CLDN16: variants seen among roughly 807,000 people sequenced by gnomAD.
CLDN16 encodes the protein claudin-16.
Under a neutral mutation model 24.6 loss-of-function variants are expected in CLDN16, and 13 were observed. The observed-to-expected ratio is 0.53, with a 90% confidence interval of 0.34 to 0.84. CLDN16 has a LOEUF of 0.84. Among genes scored for constraint, CLDN16 ranks in the 40% least tolerant of loss-of-function variants. The pLI is 0.01. For synonymous variants in CLDN16, 116 were observed against 106.7 expected (o/e 1.09, Z -0.54); for missense variants, 298 against 292.7 (o/e 1.02, Z -0.13).
chr3:190,308,488 T>A, the CLDN16 span: 2 of 1,564,884 alleles, frequency 1.3e-6, no homozygotes, highest in Non-Finnish European at 1.8e-6. Context: ...TATTGGCAAC[T>A]TTTCTAATAT....
Position 190,411,402 on chromosome 3 carries a change from T to A in CLDN16, c.*1366T>A, listed in dbSNP as rs1294194615. Reference sequence around the variant, plus strand: ...TGTAACCATCTTGAATTTTTTTAATTGTAGCGATTTTAAAAATGTTTGTAA... The same window carrying A: ...TGTAACCATCTTGAATTTTTTTAATAGTAGCGATTTTAAAAATGTTTGTAA... On this transcript the variant is annotated 3_prime_UTR_variant, in exon 5 of 5. Coordinates refer to ENST00000264734, the MANE Select transcript of CLDN16 (RefSeq NM_006580.4). 1 of 152,212 alleles carries A rather than the reference T, an allele frequency of 6.6e-6. No homozygotes were observed. The highest frequency in any genetic ancestry group is 1.9e-4 in the East Asian group (1 of 5,202). 9.4% of individuals were successfully genotyped at this position (152,212 alleles called of 1,614,324 possible). A position where few individuals can be genotyped will look rare whatever the true frequency, so the allele number is the denominator to read the frequency against.
At chr3:190,292,806 C>T in the CLDN16 span, among the ~76,000 whole-genome samples, 1 of 152,146 alleles carries the variant, frequency 6.6e-6, no homozygotes. Context: ...TCCTCATCTC[C>T]ATCTGAGACC....
At chr3:190,335,794 G>C (rs1181171458) in intron 1 of CLDN16, among the ~76,000 whole-genome samples, 1 of 150,478 alleles carries the variant, frequency 6.6e-6, no homozygotes, top group Non-Finnish European at 1.5e-5. Context: ...CTCAGACACT[G>C]ATTCTAGAGA....
chr3:190,366,831 AG>A (rs1016223154), intron 1 of CLDN16, among the ~76,000 whole-genome samples: 28 of 151,920 alleles, frequency 1.8e-4, no homozygotes, highest in African/African-American at 6.8e-4. Context: ...TCAGCATCTA[AG>A]TCTCCCAGCA....
the CLDN16 span, among the ~76,000 whole-genome samples, chr3:190,313,747 G>T: frequency 6.6e-6 from 1 of 152,102 alleles, no homozygotes; most frequent in Non-Finnish European, 1.5e-5. Flanking sequence ...TTGTAAAATA[G>T]CACACACAAT....
At chr3:190,404,713 A>G in intron 2 of CLDN16, 49 bp from the exon 3 acceptor site, 1 of 1,595,456 alleles carries the variant, frequency 6.3e-7, no homozygotes, top group African/African-American at 1.3e-5. Context: ...GTGAGTTAAT[A>G]TGGTTCCTTC....
chr3:190,350,704 A>G (rs1285372194), intron 1 of CLDN16, among the ~76,000 whole-genome samples: 4 of 152,050 alleles, frequency 2.6e-5, no homozygotes, highest in Non-Finnish European at 5.9e-5. Flanking sequence ...GAAACCTATT[A>G]CTGTGTTTGG....
intron 1 of CLDN16, among the ~76,000 whole-genome samples, chr3:190,324,415 G>A (rs956014979): frequency 2.0e-4 from 30 of 152,102 alleles, no homozygotes; most frequent in African/African-American, 6.8e-4. Context: ...CCCGGGAGGC[G>A]GAGGTGGCAG....
At chr3:190,399,365 A>G (rs1415616941) in intron 1 of CLDN16, among the ~76,000 whole-genome samples, 1 of 149,554 alleles carries the variant, frequency 6.7e-6, no homozygotes, top group Non-Finnish European at 1.5e-5. Flanking sequence ...AAAAAAAAGT[A>G]GCCTGGCGTG....
At chr3:190,321,652 C>T (rs1274798922), upstream of CLDN16, among the ~76,000 whole-genome samples, 2 of 152,170 alleles carry the variant, frequency 1.3e-5, no homozygotes, top group Admixed American at 6.5e-5. Flanking sequence ...CCCCAAATCT[C>T]GGAATGCCTA....
chr3:190,412,104 G>A lies in CLDN16; in HGVS notation c.*2068G>A, dbSNP rs1039859745. 5.3e-5 allele frequency: 8 copies of A among 151,964 alleles called. No individual in the cohort carries two copies. The highest frequency in any genetic ancestry group is 1.9e-4 in the African/African-American group (8 of 41,418). The allele number at this position is 151,964 out of a possible 1,614,324, so 9.4% of individuals were successfully genotyped here. On this transcript the variant is annotated 3_prime_UTR_variant, in exon 5 of 5. Coordinates refer to ENST00000264734, the MANE Select transcript of CLDN16 (RefSeq NM_006580.4). The stretch of plus-strand genomic sequence containing the variant: ...GATAATGGATATGTGTGACTGTTTT[G>A]AATTTTTTTCTCAATTAAAACATTT...
At chr3:190,304,194 G>A in the CLDN16 span, among the ~76,000 whole-genome samples, 2 of 152,196 alleles carry the variant, frequency 1.3e-5, no homozygotes, top group African/African-American at 2.4e-5. Context: ...TTATGGCTAA[G>A]AGCCACTGCA....
chr3:190,356,150 A>T (rs1381237731), intron 1 of CLDN16, among the ~76,000 whole-genome samples: 1 of 151,448 alleles, frequency 6.6e-6, no homozygotes, highest in Non-Finnish European at 1.5e-5. Context: ...AGCATATACA[A>T]TTTTTTTTCA....
chr3:190,391,068 T>C (rs977109592), intron 1 of CLDN16, among the ~76,000 whole-genome samples: 1 of 152,056 alleles, frequency 6.6e-6, no homozygotes, highest in Non-Finnish European at 1.5e-5. Flanking sequence ...ATTATAGGAG[T>C]GAACCACCAC....
chr3:190,321,160 T>C (rs534165228), upstream of CLDN16, among the ~76,000 whole-genome samples: 3 of 152,298 alleles, frequency 2.0e-5, no homozygotes, highest in African/African-American at 4.8e-5. Context: ...AGCTGACCTC[T>C]GATTTCATCA....
upstream of CLDN16, among the ~76,000 whole-genome samples, chr3:190,320,833 A>C (rs1361765702): frequency 6.6e-6 from 1 of 152,212 alleles, no homozygotes; most frequent in Non-Finnish European, 1.5e-5. Flanking sequence ...GTTAAAGGGC[A>C]TAACAGACAC....
chr3:190,293,633 C>A, the CLDN16 span, among the ~76,000 whole-genome samples: 1 of 152,024 alleles, frequency 6.6e-6, no homozygotes. Flanking sequence ...GGACTAATAT[C>A]CAATTGAGAA....
chr3:190,375,017 G>A (rs1043061882), intron 3 of CLDN16, among the ~76,000 whole-genome samples: 1 of 151,820 alleles, frequency 6.6e-6, no homozygotes, highest in African/African-American at 2.4e-5. Flanking sequence ...TATAAAAAGA[G>A]GCATATACTT....
chr3:190,305,227 C>A, the CLDN16 span, among the ~76,000 whole-genome samples: 1 of 152,154 alleles, frequency 6.6e-6, no homozygotes, highest in Non-Finnish European at 1.5e-5. Context: ...CAGGAACAGG[C>A]CACACTTAAG....
Sources: allele counts gnomAD v4.1 joint callset (sites outside exome capture counted in the v4.1 genomes callset), GRCh38; gene constraint gnomAD v4.1.1; transcripts MANE v1.5; gene names NCBI Gene and HGNC (gene_info 2026-07-23, HGNC 2026-07-21).